ACSL4: variants seen among roughly 807,000 people sequenced by gnomAD.
The protein encoded by ACSL4 is acyl-CoA synthetase long chain family member 4.
ACSL4 carries 9 observed loss-of-function variants against 49.1 expected under a neutral mutation model. The observed-to-expected ratio is 0.18, with a 90% CI of 0.11 to 0.32. The LOEUF (loss-of-function observed/expected upper bound fraction) is 0.32, where lower values mean the gene tolerates loss of function less well. Ranked by LOEUF, ACSL4 falls within the 10% of genes least tolerant of loss-of-function variation. The pLI is 1.00. For missense variants in ACSL4, 333 were observed against 493.7 expected (o/e 0.67, Z 3.08); for synonymous variants, 191 against 170.3 (o/e 1.12, Z -0.95).
intron 9 of ACSL4, among the ~76,000 whole-genome samples, chrX:109,673,945 G>A (rs1923472478): frequency 9.0e-6 from 1 of 110,522 alleles, no homozygotes; most frequent in African/African-American, 3.3e-5. Context: ...TTTTTCCTTT[G>A]GGAGCTCTCT....
rs1927724153 is a variant in ACSL4, at chrX:109,723,514, C to T, written c.-66+9625G>A. 4.5e-5 allele frequency among the ~76,000 whole-genome samples: 5 copies of T among 111,577 alleles called. No homozygotes were observed. The Admixed American group carries it at 4.8e-4, about 11-fold the overall frequency. On this transcript the variant is annotated intron_variant, in intron 1 of 15. Coordinates refer to ENST00000672401, the MANE Select transcript of ACSL4 (RefSeq NM_001318510.2). ...CTCTCTTCCCCTGCTTAACAGCATA[C>T]TTTGGAACTCCTATGTCAGTGTATA...
At chrX:109,646,571 C>T (rs1421162570) in intron 15 of ACSL4, among the ~76,000 whole-genome samples, 7 of 109,149 alleles carry the variant, frequency 6.4e-5, no homozygotes, top group African/African-American at 2.0e-4. Context: ...AAAATCATGC[C>T]AAAATGTAAA....
At chrX:109,671,042 G>A (rs753055239) in intron 9 of ACSL4, among the ~76,000 whole-genome samples, 2 of 112,205 alleles carry the variant, frequency 1.8e-5, no homozygotes, top group African/African-American at 6.5e-5. Flanking sequence ...CTGCTCGGCC[G>A]CCACCCCGTC....
chrX:109,721,005 A>C (rs764500797), intron 1 of ACSL4, among the ~76,000 whole-genome samples: 2 of 109,300 alleles, frequency 1.8e-5, no homozygotes, highest in African/African-American at 6.7e-5. Context: ...TGCTACAGCT[A>C]TTTCTGCCGA....
At position 109,658,501 on chromosome X, in the gene ACSL4, A is replaced by C. The variant is rs141662380; in HGVS notation, c.1855+853T>G. 1.3e-3 allele frequency among the ~76,000 whole-genome samples: 145 copies of C among 111,740 alleles called. 2 individuals are homozygous for C. The highest frequency in any genetic ancestry group is 4.5e-3 in the African/African-American group (139 of 30,616). On this transcript the variant is annotated intron_variant, in intron 15 of 15. Coordinates refer to ENST00000672401, the MANE Select transcript of ACSL4 (RefSeq NM_001318510.2). ...CTCACTGTCTACAGGATTACATCCA[A>C]ATTTCTGAACAAGCATAGAAGGTAC...
intron 1 of ACSL4, among the ~76,000 whole-genome samples, chrX:109,701,378 C>T (rs761722455): frequency 2.8e-5 from 3 of 107,224 alleles, no homozygotes; most frequent in Admixed American, 1.0e-4. Context: ...CACAGCACGC[C>T]GCTAATTTTT....
At chrX:109,693,263 A>G (rs1346835158) in intron 2 of ACSL4, among the ~76,000 whole-genome samples, 1 of 100,843 alleles carries the variant, frequency 9.9e-6, no homozygotes, top group Admixed American at 1.0e-4. Flanking sequence ...ATCGTGATTT[A>G]AAAAAAAAAA....
chrX:109,693,780 T>C (rs1925217971), intron 2 of ACSL4, among the ~76,000 whole-genome samples: 1 of 111,989 alleles, frequency 8.9e-6, no homozygotes, highest in African/African-American at 3.2e-5. Context: ...CAGAGTACTA[T>C]CTGCAATCTC....
intron 2 of ACSL4, 88 bp from the exon 3 acceptor site, chrX:109,683,463 G>A (rs1924347814): frequency 3.3e-6 from 4 of 1,208,976 alleles, no homozygotes; most frequent in African/African-American, 1.7e-5. Context: ...AAATAATGGT[G>A]AGCACATTTA....
intron 7 of ACSL4, 71 bp from the exon 8 acceptor site, chrX:109,678,182 T>G: frequency 8.3e-7 from 1 of 1,203,015 alleles, no homozygotes; most frequent in Non-Finnish European, 1.1e-6. Context: ...ACCAAGAGCT[T>G]TATCATTTTA....
At chrX:109,683,074 TATG>T in intron 3 of ACSL4, 59 bp downstream of exon 3, 5 of 1,140,712 alleles carry the variant, frequency 4.4e-6, no homozygotes, top group Non-Finnish European at 6.0e-6. Flanking sequence ...GCACTCGATT[TATG>T]ATAAAACAAA....
intron 2 of ACSL4, among the ~76,000 whole-genome samples, chrX:109,684,113 G>C (rs746915118): frequency 6.3e-4 from 70 of 111,138 alleles, no homozygotes; most frequent in Non-Finnish European, 1.1e-3. Context: ...CCAAAGGGGG[G>C]GGTGGGGCAG....
chrX:109,663,502 A>G (rs754118270), intron 12 of ACSL4, 100 bp from the exon 13 acceptor site: 14 of 732,396 alleles, frequency 1.9e-5, no homozygotes, highest in Non-Finnish European at 2.5e-5. Context: ...ATCAGATTTT[A>G]TATCACTTTA....
At chrX:109,661,406 C>T in intron 14 of ACSL4, 125 bp downstream of exon 14, 2 of 519,419 alleles carry the variant, frequency 3.9e-6, no homozygotes, top group Non-Finnish European at 6.8e-6. Flanking sequence ...CATAAATGTA[C>T]AATTCCCCAG....
intron 2 of ACSL4, among the ~76,000 whole-genome samples, chrX:109,689,197 G>C (rs978308572): frequency 4.5e-5 from 5 of 111,128 alleles, no homozygotes; most frequent in Non-Finnish European, 7.5e-5. Context: ...AAATCCTAAT[G>C]GTTTGACTTA....
chrX:109,728,228 G>C (rs1396124378), intron 1 of ACSL4, among the ~76,000 whole-genome samples: 2 of 112,367 alleles, frequency 1.8e-5, no homozygotes, highest in East Asian at 5.5e-4. Context: ...GAAAAATGCA[G>C]TCTAGACAGT....
At chrX:109,649,913 A>G (rs1934938383) in intron 15 of ACSL4, among the ~76,000 whole-genome samples, 1 of 107,715 alleles carries the variant, frequency 9.3e-6, no homozygotes, top group African/African-American at 3.4e-5. Context: ...GCAGCCAAAA[A>G]ACACATGAAA....
rs1922316704 is a variant in ACSL4 at position 109,663,214 on chromosome X, T to C, written c.1579A>G (p.Ile527Val). The change falls in exon 13 of 16, where the codon ATA (isoleucine) becomes GTA (valine). Residue 527 changes from isoleucine to valine, a missense_variant. Physicochemically the swap from Ile to Val is conservative, Grantham distance 29. This residue lies in a region of ACSL4 where 175 missense variants were observed against 275.8 expected (regional missense o/e 0.63). Coordinates refer to ENST00000672401, the MANE Select transcript of ACSL4 (RefSeq NM_001318510.2). Reference protein sequence around the residue: ...EFHPDGCLQIIDRKKDLVKLQ... With the variant: ...EFHPDGCLQIVDRKKDLVKLQ... Reference sequence around the variant, plus strand: ...CATAAAAAGAAAACATTCTGACCTATAATCTGTAAACATCCATCGGGATGG... The same window carrying C: ...CATAAAAAGAAAACATTCTGACCTACAATCTGTAAACATCCATCGGGATGG... 8.3e-7 allele frequency: 1 copy of C among 1,204,143 alleles called. No individual in the cohort carries two copies. Among genetic ancestry groups the C allele is most frequent in the Non-Finnish European group, 1.1e-6 (1 of 890,594 alleles).
In ACSL4 at chrX:109,681,348, T is replaced by G. The variant is rs1924151285; in HGVS notation, c.434A>C (p.Lys145Thr). 8.3e-7 allele frequency: 1 copy of G among 1,206,283 alleles called. No homozygotes were observed. The highest frequency in any genetic ancestry group is 1.7e-5 in the African/African-American group (1 of 57,285). Residue 145 changes from lysine to threonine, a missense_variant, in exon 5 of 16, where the codon AAA (lysine) becomes ACA (threonine). This residue lies in a region of ACSL4 where 157 missense variants were observed against 201.1 expected (regional missense o/e 0.78). Transcript: ENST00000672401. Reference sequence around the variant, plus strand: ...ATTTAGCCCATGAACTACTGCTTCTTTGCCAAGTGTGGCATATAAAGTCAC... The same window carrying G: ...ATTTAGCCCATGAACTACTGCTTCTGTGCCAAGTGTGGCATATAAAGTCAC... ...PLVTLYATLG[K>T]EAVVHGLNES...
Sources: allele counts gnomAD v4.1 joint callset (sites outside exome capture counted in the v4.1 genomes callset), GRCh38; gene constraint gnomAD v4.1.1; regional missense constraint gnomAD v4.1.1; transcripts MANE v1.5; gene names NCBI Gene and HGNC (gene_info 2026-07-23, HGNC 2026-07-21).